SLC39A9: variants seen among roughly 807,000 people sequenced by gnomAD.
SLC39A9 encodes the protein zinc transporter ZIP9.
In SLC39A9, 14 loss-of-function variants were observed where a neutral mutation model predicts 28.4. That is an observed-to-expected ratio of 0.49 (90% CI 0.33 to 0.77). SLC39A9 has a LOEUF of 0.77. Among genes scored for constraint, SLC39A9 ranks in the 30% least tolerant of loss-of-function variants. The pLI is 0.02. For synonymous variants in SLC39A9, 119 were observed against 149.6 expected, an observed-to-expected ratio of 0.80 and a Z score of 1.49; for missense variants, 283 against 381.1, an observed-to-expected ratio of 0.74 and a Z score of 2.14.
intron 1 of SLC39A9, among the ~76,000 whole-genome samples, chr14:69,407,697 G>A (rs1195537055): frequency 2.0e-5 from 3 of 150,544 alleles, no homozygotes; most frequent in African/African-American, 7.3e-5. Flanking sequence ...GGAGTGCAAT[G>A]GCACGATCTC....
intron 1 of SLC39A9, among the ~76,000 whole-genome samples, chr14:69,414,034 G>A (rs1045948742): frequency 2.7e-5 from 4 of 146,936 alleles, no homozygotes; most frequent in Non-Finnish European, 4.5e-5. Flanking sequence ...CCAAACTCCT[G>A]TTTATATTTC....
At chr14:69,457,401 C>T (rs1360374139) in intron 6 of SLC39A9, among the ~76,000 whole-genome samples, 1 of 151,740 alleles carries the variant, frequency 6.6e-6, no homozygotes, top group Non-Finnish European at 1.5e-5. Flanking sequence ...CAGGGTTTCA[C>T]CATGTTGGCC....
chr14:69,419,883 A>G (rs138361654), intron 1 of SLC39A9, among the ~76,000 whole-genome samples: 4 of 152,066 alleles, frequency 2.6e-5, no homozygotes, highest in Non-Finnish European at 4.4e-5. Flanking sequence ...TTTTGAGCCT[A>G]TGTGTGTCCC....
At chr14:69,438,222 T>C (rs756531913) in intron 2 of SLC39A9, among the ~76,000 whole-genome samples, 4 of 152,142 alleles carry the variant, frequency 2.6e-5, no homozygotes, top group Admixed American at 6.5e-5. Flanking sequence ...GGTTTCACCA[T>C]GTTGGCCAGG....
At chr14:69,405,473 C>T (rs151168895) in intron 1 of SLC39A9, among the ~76,000 whole-genome samples, 109 of 152,166 alleles carry the variant, frequency 7.2e-4, no homozygotes, top group African/African-American at 2.2e-3. Context: ...AGATTTGAGC[C>T]GGGCATGGTG....
chr14:69,431,405 C>CTT (rs1021422568), intron 2 of SLC39A9, among the ~76,000 whole-genome samples: 1 of 140,588 alleles, frequency 7.1e-6, no homozygotes, highest in Non-Finnish European at 1.6e-5. Context: ...TCCTATCTGC[C>CTT]TTTTTTTTTT....
chr14:69,446,929 G>GAC (rs1450679819), intron 3 of SLC39A9, among the ~76,000 whole-genome samples: 1 of 142,248 alleles, frequency 7.0e-6, no homozygotes, highest in Admixed American at 7.1e-5. Context: ...GCCCATCTGT[G>GAC]ATATATATAT....
In SLC39A9 at chr14:69,445,897, A is replaced by G. The variant is rs1007168330; in HGVS notation, c.403+3631A>G. On this transcript the variant is annotated intron_variant, in intron 3 of 6. Coordinates refer to ENST00000336643, the MANE Select transcript of SLC39A9 (RefSeq NM_018375.5). Reference sequence around the variant, plus strand: ...AACAGATGAATTGTATTTCAAGTGAATAATACAATCACACTGAAGGGATTT... The same window carrying G: ...AACAGATGAATTGTATTTCAAGTGAGTAATACAATCACACTGAAGGGATTT... 2.6e-5 allele frequency among the ~76,000 whole-genome samples: 4 copies of G among 152,352 alleles called. No homozygotes were observed. In the East Asian group the frequency reaches 5.8e-4, roughly 22 times the overall value.
chr14:69,403,957 C>T (rs1007160086), intron 1 of SLC39A9, among the ~76,000 whole-genome samples: 13 of 152,160 alleles, frequency 8.5e-5, no homozygotes, highest in African/African-American at 3.1e-4. Context: ...GCAGGAGAAT[C>T]GCTTGAACCT....
Position 69,461,887 on chromosome 14 carries a change from T to A in SLC39A9, c.*3294T>A. ...GATTCATCCAGAACTGCTGCAGTGTTAAGTGAAAATCCTCTGTAGTTGTTC... is the reference window on the plus strand; with the variant it reads ...GATTCATCCAGAACTGCTGCAGTGTAAAGTGAAAATCCTCTGTAGTTGTTC... On this transcript the variant is annotated 3_prime_UTR_variant, in exon 7 of 7. Transcript: ENST00000336643. The A allele has an allele frequency of 1.3e-6, 1 of 746,048 alleles. No individual in the cohort carries two copies. The highest frequency in any genetic ancestry group is 2.1e-6 in the Non-Finnish European group (1 of 483,060). The allele number at this position is 746,048 out of a possible 1,614,324, so 46.2% of individuals were successfully genotyped here. A position where few individuals can be genotyped will look rare whatever the true frequency, so the allele number is the denominator to read the frequency against.
At chr14:69,422,406 T>C (rs528452468) in intron 1 of SLC39A9, among the ~76,000 whole-genome samples, 1 of 152,206 alleles carries the variant, frequency 6.6e-6, no homozygotes, top group South Asian at 2.1e-4. Context: ...TTTTTATTAT[T>C]TTTTATTTTT....
At chr14:69,457,324 TC>T (rs1434843007) in intron 6 of SLC39A9, among the ~76,000 whole-genome samples, 1 of 152,104 alleles carries the variant, frequency 6.6e-6, no homozygotes, top group Admixed American at 6.5e-5. Context: ...TGCCCCAGCT[TC>T]CGGAGTAGCT....
At chr14:69,438,682 A>C (rs1594936258) in intron 2 of SLC39A9, among the ~76,000 whole-genome samples, 1 of 152,240 alleles carries the variant, frequency 6.6e-6, no homozygotes, top group African/African-American at 2.4e-5. Context: ...ATTTGAAAAC[A>C]TCTCAAAATT....
At position 69,459,892 on chromosome 14, in the gene SLC39A9, T is replaced by C. The variant is rs1886042759; in HGVS notation, c.*1299T>C. 2 of 985,310 alleles carry C rather than the reference T, an allele frequency of 2.0e-6. No individual in the cohort carries two copies. The highest frequency in any genetic ancestry group is 3.5e-5 in the African/African-American group (2 of 57,238). 61.0% of individuals were successfully genotyped at this position (985,310 alleles called of 1,614,324 possible). A position where few individuals can be genotyped will look rare whatever the true frequency, so the allele number is the denominator to read the frequency against. ...ATGAAGATAATAATATCTTTATTCT[T>C]TATCCCCCTTCAAAGAAATTACCTT... On this transcript the variant is annotated 3_prime_UTR_variant, in exon 7 of 7. Transcript: ENST00000336643.
chr14:69,406,359 A>G (rs1337011244), intron 1 of SLC39A9, among the ~76,000 whole-genome samples: 1 of 152,232 alleles, frequency 6.6e-6, no homozygotes. Flanking sequence ...ACATCCTCAC[A>G]GGTTAGTCGT....
intron 1 of SLC39A9, among the ~76,000 whole-genome samples, chr14:69,415,599 C>G (rs1883525157): frequency 1.3e-5 from 2 of 152,292 alleles, no homozygotes; most frequent in South Asian, 4.1e-4. Flanking sequence ...TTTACAAGTA[C>G]CTAGTAGCCA....
chr14:69,400,110 G>A (rs2140239682), intron 1 of SLC39A9, among the ~76,000 whole-genome samples: 1 of 152,294 alleles, frequency 6.6e-6, no homozygotes, highest in South Asian at 2.1e-4. Flanking sequence ...TACATGAACT[G>A]AAATCAATAT....
intron 1 of SLC39A9, among the ~76,000 whole-genome samples, chr14:69,405,048 GA>G (rs919689256): frequency 6.6e-6 from 1 of 152,148 alleles, no homozygotes; most frequent in Non-Finnish European, 1.5e-5. Flanking sequence ...GCAAAAGGGG[GA>G]AAGCCCCTTA....
chr14:69,453,346 A>G (rs574680974), intron 4 of SLC39A9, 37 bp downstream of exon 4: 70 of 1,581,846 alleles, frequency 4.4e-5, no homozygotes, highest in Middle Eastern at 1.7e-4. Flanking sequence ...TTTGTTTTCT[A>G]TCGCACAGGG....
Sources: gnomAD v4.1 joint callset for allele counts (sites outside exome capture counted in the v4.1 genomes callset) on GRCh38, gnomAD v4.1.1 for gene constraint, MANE v1.5 for transcripts, NCBI Gene and HGNC (gene_info 2026-07-23, HGNC 2026-07-21) for gene names.